ADAM22: variants seen among roughly 807,000 people sequenced by gnomAD.
ADAM22 encodes the protein disintegrin and metalloproteinase domain-containing protein 22.
A neutral mutation model predicts 144.6 loss-of-function variants in ADAM22; 65 were observed. That is an observed-to-expected ratio of 0.45 (90% confidence interval 0.37 to 0.55). The LOEUF is 0.55. ADAM22 is among the 20% of genes least tolerant of loss of function. The pLI, the probability that ADAM22 is intolerant of heterozygous loss-of-function variation, is 0.00. For missense variants in ADAM22, 974 were observed against 1,184.9 expected, an observed-to-expected ratio of 0.82 and a Z score of 2.61; for synonymous variants, 391 against 412.6, an observed-to-expected ratio of 0.95 and a Z score of 0.63.
At chr7:88,082,455 T>G (rs4307269) in intron 4 of ADAM22, among the ~76,000 whole-genome samples, 1 of 151,618 alleles carries the variant, frequency 6.6e-6, no homozygotes, top group Admixed American at 6.6e-5. Flanking sequence ...AAACACCAAA[T>G]GCAATGGCAA....
chr7:87,994,469 G>A (rs534294387), intron 3 of ADAM22, among the ~76,000 whole-genome samples: 2 of 152,050 alleles, frequency 1.3e-5, no homozygotes, highest in Non-Finnish European at 2.9e-5. Flanking sequence ...CCTAGTTACT[G>A]TCATTCTTTA....
At chr7:88,016,816 A>T (rs1585037107) in intron 3 of ADAM22, among the ~76,000 whole-genome samples, 1 of 152,192 alleles carries the variant, frequency 6.6e-6, no homozygotes, top group African/African-American at 2.4e-5. Context: ...AGGTTGGTAA[A>T]TGGATACAAA....
At chr7:88,008,494 C>G (rs1301823859) in intron 3 of ADAM22, among the ~76,000 whole-genome samples, 1 of 152,090 alleles carries the variant, frequency 6.6e-6, no homozygotes, top group Non-Finnish European at 1.5e-5. Context: ...AGACTTGGAA[C>G]CAAGGCAAAT....
At chr7:87,972,981 A>G (rs981774736) in intron 2 of ADAM22, among the ~76,000 whole-genome samples, 5 of 152,256 alleles carry the variant, frequency 3.3e-5, no homozygotes, top group Non-Finnish European at 7.3e-5. Flanking sequence ...ACCTAAAACC[A>G]TAAACTCCCT....
At chr7:88,140,467 A>G (rs946898296) in intron 14 of ADAM22, among the ~76,000 whole-genome samples, 2 of 152,208 alleles carry the variant, frequency 1.3e-5, no homozygotes, top group African/African-American at 4.8e-5. Flanking sequence ...TGTGTAAGAA[A>G]CTTTCAAATG....
At chr7:88,155,513 C>A (rs1839685645) in intron 21 of ADAM22, among the ~76,000 whole-genome samples, 1 of 146,918 alleles carries the variant, frequency 6.8e-6, no homozygotes. Flanking sequence ...CAGAGTAAGA[C>A]CCTGACTCTA....
chr7:88,160,455 A>G (rs1586335685), intron 22 of ADAM22, among the ~76,000 whole-genome samples: 1 of 152,064 alleles, frequency 6.6e-6, no homozygotes, highest in Non-Finnish European at 1.5e-5. Flanking sequence ...CTCAACTTCA[A>G]ACTATAGTAC....
intron 4 of ADAM22, among the ~76,000 whole-genome samples, chr7:88,096,170 G>A (rs1023716769): frequency 1.3e-5 from 2 of 150,984 alleles, no homozygotes; most frequent in African/African-American, 2.4e-5. Flanking sequence ...CAATCCTCTC[G>A]CCTCAGCGTC....
At chr7:88,133,825 A>C (rs1485074739) in intron 12 of ADAM22, among the ~76,000 whole-genome samples, 2 of 152,204 alleles carry the variant, frequency 1.3e-5, no homozygotes, top group African/African-American at 4.8e-5. Flanking sequence ...AGATATCCTC[A>C]GTTCTTCTTA....
intron 26 of ADAM22, among the ~76,000 whole-genome samples, chr7:88,173,334 G>A (rs974626116): frequency 6.6e-6 from 1 of 151,934 alleles, no homozygotes; most frequent in African/African-American, 2.4e-5. Context: ...TTTGAGAGTT[G>A]TCACATCTTC....
At chr7:87,978,302 T>TAATAAATA (rs1852397656) in intron 2 of ADAM22, 34 bp from the exon 3 acceptor site, 1 of 1,547,456 alleles carries the variant, frequency 6.5e-7, no homozygotes, top group Non-Finnish European at 8.9e-7. Flanking sequence ...TATGGCTGAG[T>TAATAAATA]AATAAATAAC....
At chr7:88,139,583 G>T (rs1834017217) in intron 14 of ADAM22, among the ~76,000 whole-genome samples, 1 of 152,108 alleles carries the variant, frequency 6.6e-6, no homozygotes, top group Non-Finnish European at 1.5e-5. Context: ...AAAAAAGGAA[G>T]TAATATTGTT....
rs1849963189 is a variant in ADAM22, at chr7:88,193,099, T to C, written c.2751-17T>C. The stretch of plus-strand genomic sequence containing the variant: ...AGGCAATCACATGATACTTAATTCA[T>C]GTTCTCAACATCTCAGGACTTTATC... On this transcript the variant is annotated splice_polypyrimidine_tract_variant and intron_variant, in intron 30 of 31. Coordinates refer to ENST00000413139, the MANE Select transcript of ADAM22 (RefSeq NM_001324418.2). The C allele has an allele frequency of 6.2e-7, 1 of 1,613,774 alleles. No homozygotes were observed. The highest frequency in any genetic ancestry group is 8.5e-7 in the Non-Finnish European group (1 of 1,179,798).
At chr7:88,162,170 C>A (rs1417940102) in intron 22 of ADAM22, among the ~76,000 whole-genome samples, 5 of 149,208 alleles carry the variant, frequency 3.4e-5, no homozygotes, top group African/African-American at 1.2e-4. Flanking sequence ...AGAACAAGAT[C>A]ATGTCCTTCA....
At position 88,198,249 on chromosome 7, in the gene ADAM22, G is replaced by A. The variant is rs970100175; in HGVS notation, c.*1758G>A. 6.6e-6 allele frequency: 1 copy of A among 152,172 alleles called. No individual in the cohort carries two copies. The highest frequency in any genetic ancestry group is 2.4e-5 in the African/African-American group (1 of 41,448). 9.4% of individuals were successfully genotyped at this position (152,172 alleles called of 1,614,324 possible). A position where few individuals can be genotyped will look rare whatever the true frequency, so the allele number is the denominator to read the frequency against. ...CATATCATGCCCAAACTGAAGGGCCGAGTTAGAAGGCAGCATTTTATACTG... is the reference window on the plus strand; with the variant it reads ...CATATCATGCCCAAACTGAAGGGCCAAGTTAGAAGGCAGCATTTTATACTG... On this transcript the variant is annotated 3_prime_UTR_variant, in exon 32 of 32. Coordinates refer to ENST00000413139, the MANE Select transcript of ADAM22 (RefSeq NM_001324418.2).
intron 4 of ADAM22, among the ~76,000 whole-genome samples, chr7:88,095,614 A>G (rs17150220): frequency 0.032 from 4,874 of 152,286 alleles, 289 homozygotes; most frequent in African/African-American, 0.11. Flanking sequence ...AAGGTATTTT[A>G]GAGCCACGTC....
At chr7:88,136,759 C>T (rs1159029754) in intron 14 of ADAM22, among the ~76,000 whole-genome samples, 2 of 151,714 alleles carry the variant, frequency 1.3e-5, no homozygotes, top group African/African-American at 4.8e-5. Flanking sequence ...TCTCACAAAA[C>T]GCCACTAAAG....
intron 4 of ADAM22, among the ~76,000 whole-genome samples, chr7:88,079,462 C>A (rs1456818200): frequency 6.6e-6 from 1 of 152,154 alleles, no homozygotes; most frequent in Non-Finnish European, 1.5e-5. Flanking sequence ...AACCAGCTAA[C>A]ATCATAATGA....
chr7:88,194,094 A>G (rs1319978811), intron 31 of ADAM22, among the ~76,000 whole-genome samples: 2 of 152,256 alleles, frequency 1.3e-5, no homozygotes, highest in Non-Finnish European at 2.9e-5. Context: ...ACTTCTTGAT[A>G]GATACCTAGT....
Sources: gnomAD v4.1 joint callset for allele counts (sites outside exome capture counted in the v4.1 genomes callset) on GRCh38, gnomAD v4.1.1 for gene constraint, MANE v1.5 for transcripts, NCBI Gene and HGNC (gene_info 2026-07-23, HGNC 2026-07-21) for gene names.